The following MS4A8 variants were observed in gnomAD, a reference collection of about 807,000 sequenced individuals.
MS4A8 encodes membrane-spanning 4-domains subfamily A member 8.
Under a neutral mutation model 23.7 loss-of-function variants are expected in MS4A8, and 27 were observed. That is an observed-to-expected ratio of 1.14 (90% confidence interval 0.84 to 1.57). The LOEUF (loss-of-function observed/expected upper bound fraction) is 1.57. Among genes scored for constraint, MS4A8 ranks in the 40% most tolerant of loss-of-function variants. The pLI, the probability that MS4A8 is intolerant of heterozygous loss-of-function variation, is 0.00. For missense variants in MS4A8, 301 were observed against 311.4 expected (o/e 0.97, Z 0.25); for synonymous variants, 138 against 126.3 (o/e 1.09, Z -0.62).
At chr11:60,713,418 G>A (rs1224043303) in intron 5 of MS4A8, among the ~76,000 whole-genome samples, 1 of 152,074 alleles carries the variant, frequency 6.6e-6, no homozygotes, top group Non-Finnish European at 1.5e-5. Context: ...AAGGTCAGAA[G>A]GTAAACACGT....
rs545155578 is a variant in MS4A8 at position 60,707,601 on chromosome 11, G to A, written c.402+554G>A. Among the ~76,000 whole-genome samples, 146 of 152,214 alleles carry A rather than the reference G, an allele frequency of 9.6e-4. 1 individual carries two copies. Among genetic ancestry groups the A allele is most frequent in the Non-Finnish European group, 1.8e-3 (123 of 68,022 alleles). Reference sequence around the variant, plus strand: ...ATAATCAGGTTACGAAGGGTAAAGGGTGACCAGGTCCCTACAACCAGATGA... The same window carrying A: ...ATAATCAGGTTACGAAGGGTAAAGGATGACCAGGTCCCTACAACCAGATGA... On this transcript the variant is annotated intron_variant, in intron 4 of 6. Transcript: ENST00000300226.
chr11:60,709,917 A>T (rs964108313), intron 5 of MS4A8, among the ~76,000 whole-genome samples: 6 of 152,178 alleles, frequency 3.9e-5, no homozygotes, highest in Non-Finnish European at 7.4e-5. Flanking sequence ...TTCTTAAAAG[A>T]ATTGTCTACA....
Position 60,706,986 on chromosome 11 carries a change from A to G in MS4A8, c.343-2A>G. The G allele has an allele frequency of 6.2e-7, 1 of 1,614,058 alleles. No individual in the cohort carries two copies. On this transcript the variant is annotated splice_acceptor_variant, in intron 3 of 6. Coordinates refer to ENST00000300226, the MANE Select transcript of MS4A8 (RefSeq NM_031457.2). LOFTEE classifies it high-confidence loss of function. ...TTCTAAACCCACTCTGTTCTGTACC[A>G]GTTTATCATTTCAGGATCTCTCTCC...
intron 5 of MS4A8, among the ~76,000 whole-genome samples, chr11:60,714,181 C>T (rs2088322971): frequency 6.7e-6 from 1 of 149,548 alleles, no homozygotes. Flanking sequence ...GCCTCGGCCT[C>T]CCAAAGTGCT....
rs202147428 is a variant in MS4A8 at position 60,703,370 on chromosome 11, C to G, written c.220-8C>G. On this transcript the variant is annotated splice_region_variant and splice_polypyrimidine_tract_variant and intron_variant, in intron 2 of 6. Coordinates refer to ENST00000300226, the MANE Select transcript of MS4A8 (RefSeq NM_031457.2). ...AAACAAGACTTCAGCTTGTGGCTCT[C>G]CTGACAGGCCATCCAGATCATCATT... 4.8e-5 allele frequency: 75 copies of G among 1,551,984 alleles called. No individual in the cohort carries two copies. In the African/African-American group the frequency reaches 9.1e-4, roughly 19 times the overall value.
At chr11:60,701,400 CA>C in intron 2 of MS4A8, 1 of 471,656 alleles carries the variant, frequency 2.1e-6, no homozygotes, top group Non-Finnish European at 4.1e-6. Context: ...CCAGCAAGAC[CA>C]AAATAGACCA....
chr11:60,703,137 G>T, intron 2 of MS4A8: 1 of 329,614 alleles, frequency 3.0e-6, no homozygotes. Context: ...AATTCAGGGG[G>T]CCATGTTGTG....
intron 3 of MS4A8, among the ~76,000 whole-genome samples, chr11:60,704,817 C>CAG (rs199637678): frequency 0.011 from 1,358 of 123,110 alleles, 19 homozygotes; most frequent in African/African-American, 0.043. Flanking sequence ...CCTGCCCACA[C>CAG]ACACACACAC....
intron 5 of MS4A8, 99 bp downstream of exon 5, chr11:60,708,880 A>G (rs1442436475): frequency 2.1e-6 from 3 of 1,451,246 alleles, no homozygotes; most frequent in African/African-American, 1.4e-5. Flanking sequence ...CTCACTGAAC[A>G]TGGTAGGAAA....
chr11:60,707,042 T>C lies in MS4A8; in HGVS notation c.397T>C (p.Cys133Arg), dbSNP rs1249310065. ...AGCAGAAAATCAGCCATATTCTTAT[T>C]GCCTGGTAAGTTACATTCTGAGACC... ...VAAENQPYSYCLLSGSLGLNI... is the reference protein window; with the variant it reads ...VAAENQPYSYRLLSGSLGLNI... The change falls in exon 4 of 7, where the codon TGC becomes CGC. Residue 133 changes from cysteine to arginine, a missense_variant. Cys to Arg is a radical substitution (Grantham distance 180). Transcript: ENST00000300226. 1 of 1,613,624 alleles carries C rather than the reference T, an allele frequency of 6.2e-7. No homozygotes were observed. Among genetic ancestry groups the C allele is most frequent in the Non-Finnish European group, 8.5e-7 (1 of 1,179,608 alleles).
rs530030122 is a variant in MS4A8 at position 60,708,722 on chromosome 11, G to T, written c.475G>T (p.Asp159Tyr). 4 of 1,612,436 alleles carry T rather than the reference G, an allele frequency of 2.5e-6. No individual in the cohort carries two copies. The highest frequency in any genetic ancestry group is 1.1e-5 in the South Asian group (1 of 90,680). Reference protein sequence around the residue: ...SAVGVILFITDLSIPHPYAYP... With the variant: ...SAVGVILFITYLSIPHPYAYP... ...AGTTGGAGTCATACTCTTCATCACA[G>T]ATCTAAGTATTCCCCACCCATATGC... The change falls in exon 5 of 7, where the codon GAT (aspartate) becomes TAT (tyrosine). Residue 159 changes from aspartate to tyrosine, a missense_variant. Physicochemically the swap from Asp to Tyr is radical, Grantham distance 160 (BLOSUM62 -3). Coordinates refer to ENST00000300226, the MANE Select transcript of MS4A8 (RefSeq NM_031457.2).
chr11:60,704,605 G>A (rs80121388), intron 3 of MS4A8, among the ~76,000 whole-genome samples: 6,865 of 152,114 alleles, frequency 0.045, 485 homozygotes, highest in African/African-American at 0.16. Flanking sequence ...TGAGCACTGG[G>A]GACTCAATCT....
At chr11:60,702,505 C>T (rs899738393) in intron 2 of MS4A8, among the ~76,000 whole-genome samples, 4 of 152,318 alleles carry the variant, frequency 2.6e-5, no homozygotes, top group Middle Eastern at 3.4e-3. Context: ...TGGGTTTAAG[C>T]GATTCTCCCG....
At chr11:60,714,917 G>C (rs529992650) in intron 5 of MS4A8, 104 bp from the exon 6 acceptor site, 1 of 791,746 alleles carries the variant, frequency 1.3e-6, no homozygotes, top group Non-Finnish European at 2.3e-6. Context: ...AGAGGATAGG[G>C]GACTTCCGCA....
At chr11:60,701,956 C>A (rs1319982669) in intron 2 of MS4A8, among the ~76,000 whole-genome samples, 1 of 152,022 alleles carries the variant, frequency 6.6e-6, no homozygotes, top group Non-Finnish European at 1.5e-5. Flanking sequence ...GGGACACACC[C>A]CAAGATATGG....
At chr11:60,704,277 C>G (rs112486595) in intron 3 of MS4A8, among the ~76,000 whole-genome samples, 86 of 152,042 alleles carry the variant, frequency 5.7e-4, no homozygotes, top group African/African-American at 1.9e-3. Flanking sequence ...CGCACCACCA[C>G]GCCCGGCTAA....
rs200331342 is a variant in MS4A8, at chr11:60,715,684, C to T, written c.*270C>T. On this transcript the variant is annotated 3_prime_UTR_variant, in exon 7 of 7. Coordinates refer to ENST00000300226, the MANE Select transcript of MS4A8 (RefSeq NM_031457.2). ...TATGTGGGCATCCAGCCTCTGGGGC[C>T]TTGGCACACACACATTCGTGTGCTC... is the stretch of plus-strand genomic sequence containing the variant. 1.6e-4 allele frequency: 70 copies of T among 448,816 alleles called. 1 individual carries two copies. In the East Asian group the frequency reaches 2.8e-3, roughly 18 times the overall value. 27.8% of individuals were successfully genotyped at this position (448,816 alleles called of 1,614,324 possible). A position where few individuals can be genotyped will look rare whatever the true frequency, so the allele number is the denominator to read the frequency against.
At chr11:60,703,313 A>T in intron 2 of MS4A8, 65 bp from the exon 3 acceptor site, 1 of 1,439,988 alleles carries the variant, frequency 6.9e-7, no homozygotes, top group Non-Finnish European at 9.1e-7. Context: ...AATTAAAAGG[A>T]GGCTCATAGG....
At position 60,711,829 on chromosome 11, in the gene MS4A8, G is replaced by T. The variant is rs1360251488; in HGVS notation, c.534+3048G>T. The T allele has an allele frequency of 6.6e-6, 3 of 456,012 alleles. No homozygotes were observed. The Admixed American group carries it at 7.1e-5, about 11-fold the overall frequency. 28.2% of individuals were successfully genotyped at this position (456,012 alleles called of 1,614,324 possible). A position where few individuals can be genotyped will look rare whatever the true frequency, so the allele number is the denominator to read the frequency against. ...TCAGAAAACTTGGCTTTTAATCTTAGTTCTGCCAATGATTGATCTTGGAAT... is the reference window on the plus strand; with the variant it reads ...TCAGAAAACTTGGCTTTTAATCTTATTTCTGCCAATGATTGATCTTGGAAT... On this transcript the variant is annotated intron_variant, in intron 5 of 6. Coordinates refer to ENST00000300226, the MANE Select transcript of MS4A8 (RefSeq NM_031457.2).
Sources: allele counts gnomAD v4.1 joint callset (sites outside exome capture counted in the v4.1 genomes callset), GRCh38; gene constraint gnomAD v4.1.1; transcripts MANE v1.5; gene names NCBI Gene and HGNC (gene_info 2026-07-23, HGNC 2026-07-21).